CPNE9: variants seen among roughly 807,000 people sequenced by gnomAD.
CPNE9 encodes the protein copine-9.
A neutral mutation model predicts 83.0 loss-of-function variants in CPNE9; 59 were observed. That is an observed-to-expected ratio of 0.71 (90% CI 0.58 to 0.88). The LOEUF is 0.88. CPNE9 is among the 40% of genes least tolerant of loss of function. The pLI is 0.00. For synonymous variants in CPNE9, 256 were observed against 273.4 expected (o/e 0.94, Z 0.63); for missense variants, 619 against 720.8 (o/e 0.86, Z 1.62).
At chr3:9,705,019 C>T in intron 4 of CPNE9, 25 bp downstream of exon 4, 5 of 1,544,536 alleles carry the variant, frequency 3.2e-6, no homozygotes, top group Non-Finnish European at 4.4e-6. Flanking sequence ...GGAATTCTGG[C>T]TTGGCCCGCC....
chr3:9,705,836 C>T, intron 6 of CPNE9, 116 bp downstream of exon 6: 1 of 1,359,084 alleles, frequency 7.4e-7, no homozygotes, highest in Admixed American at 1.8e-5. Flanking sequence ...TTCTTTCACA[C>T]CCCCTCCATT....
At chr3:9,708,917 A>G (rs2076591719) in intron 7 of CPNE9, among the ~76,000 whole-genome samples, 1 of 147,764 alleles carries the variant, frequency 6.8e-6, no homozygotes, top group South Asian at 2.4e-4. Flanking sequence ...TACAGGCGTG[A>G]GCCACCGCAC....
At position 9,705,145 on chromosome 3, in the gene CPNE9, C is replaced by A. The variant is rs541189841; in HGVS notation, c.260+151C>A. The A allele has an allele frequency of 5.5e-4, 378 of 681,140 alleles. 4 individuals carry two copies. In the African/African-American group the frequency reaches 6.2e-3, roughly 11 times the overall value. The allele number at this position is 681,140 out of a possible 1,614,324, so 42.2% of individuals were successfully genotyped here. A position where few individuals can be genotyped will look rare whatever the true frequency, so the allele number is the denominator to read the frequency against. On this transcript the variant is annotated intron_variant, in intron 4 of 20. Coordinates refer to ENST00000383832, the MANE Select transcript of CPNE9 (RefSeq NM_153635.3). ...ATGGCCCCCTCTAGCCTGAGCCCTG[C>A]CCTTTTATGAGATGCGGTCCAGTTC... is the stretch of plus-strand genomic sequence containing the variant.
At chr3:9,715,263 G>C (rs1361918757) in intron 11 of CPNE9, 26 bp from the exon 12 acceptor site, 1 of 1,613,150 alleles carries the variant, frequency 6.2e-7, no homozygotes, top group East Asian at 2.2e-5. Context: ...AGCACCTGCT[G>C]CTTAGCCACG....
At position 9,704,655 on chromosome 3, in the gene CPNE9, A is replaced by G. The variant is rs756393532; in HGVS notation, c.109+28A>G. ...AGGCGGCTCCAGGACCGGGAGGGGGAACTTGGGGTCTGGGCGCGACTCAGG... is the reference window on the plus strand; with the variant it reads ...AGGCGGCTCCAGGACCGGGAGGGGGGACTTGGGGTCTGGGCGCGACTCAGG... On this transcript the variant is annotated intron_variant, in intron 2 of 20. Transcript: ENST00000383832. The surrounding 1 kb of genome is among the most constrained non-coding windows in gnomAD (Gnocchi z 7.1). 1.2e-6 allele frequency: 2 copies of G among 1,612,974 alleles called. No individual in the cohort carries two copies. Among genetic ancestry groups the G allele is most frequent in the Non-Finnish European group, 8.5e-7 (1 of 1,179,264 alleles).
intron 7 of CPNE9, among the ~76,000 whole-genome samples, chr3:9,708,371 C>T (rs1250494507): frequency 6.6e-6 from 1 of 152,082 alleles, no homozygotes; most frequent in Non-Finnish European, 1.5e-5. Flanking sequence ...CAAGGCTCCA[C>T]AAATTGGACC....
At position 9,718,465 on chromosome 3, in the gene CPNE9, T is replaced by C. The variant is rs1190719493; in HGVS notation, c.1114-10T>C. Reference sequence around the variant, plus strand: ...ATGGGCTCAGCCTGGCAGGGCATATTCTTTGACAGAACAACAATGATGAGG... The same window carrying C: ...ATGGGCTCAGCCTGGCAGGGCATATCCTTTGACAGAACAACAATGATGAGG... On this transcript the variant is annotated splice_polypyrimidine_tract_variant and intron_variant, in intron 16 of 20. Coordinates refer to ENST00000383832, the MANE Select transcript of CPNE9 (RefSeq NM_153635.3). 1 of 1,611,666 alleles carries C rather than the reference T, an allele frequency of 6.2e-7. No individual in the cohort carries two copies. The highest frequency in any genetic ancestry group is 8.5e-7 in the Non-Finnish European group (1 of 1,178,896).
At chr3:9,710,417 T>C (rs1005225230) in intron 7 of CPNE9, among the ~76,000 whole-genome samples, 1 of 152,150 alleles carries the variant, frequency 6.6e-6, no homozygotes, top group Admixed American at 6.5e-5. Flanking sequence ...TCTGGTTGCT[T>C]CAATTTTGTT....
At chr3:9,705,920 C>T in intron 6 of CPNE9, 67 bp from the exon 7 acceptor site, 1 of 1,540,096 alleles carries the variant, frequency 6.5e-7, no homozygotes, top group Non-Finnish European at 8.9e-7. Flanking sequence ...GCAGGAGCAT[C>T]ACTGGGGCTA....
chr3:9,726,158 G>A, intron 18 of CPNE9, 107 bp downstream of exon 18: 1 of 655,912 alleles, frequency 1.5e-6, no homozygotes, highest in Non-Finnish European at 2.6e-6. Context: ...CCAGTTTCAT[G>A]GATGCTGGCA....
chr3:9,722,167 C>A (rs6800487), intron 17 of CPNE9, among the ~76,000 whole-genome samples: 19 of 151,566 alleles, frequency 1.3e-4, no homozygotes, highest in South Asian at 6.3e-4. Flanking sequence ...TCCACCCCCC[C>A]CCGCCACCCG....
In CPNE9 at chr3:9,729,573, A is replaced by T. The variant is rs1316274765; in HGVS notation, c.1543A>T (p.Lys515Ter). 6.2e-7 allele frequency: 1 copy of T among 1,613,926 alleles called. No homozygotes were observed. The highest frequency in any genetic ancestry group is 8.5e-7 in the Non-Finnish European group (1 of 1,180,002). ...NQVLSMARLA[K>*]DVLAEIPEQL... is the part of the protein sequence containing the mutation. Reference sequence around the variant, plus strand: ...GGTGTTGAGCATGGCCCGACTGGCCAAGGATGTGCTGGCCGAGATCCCGGA... The same window carrying T: ...GGTGTTGAGCATGGCCCGACTGGCCTAGGATGTGCTGGCCGAGATCCCGGA... Residue 515 changes from lysine (K) to a stop codon, truncating the protein, a stop_gained, in exon 21 of 21, where the codon AAG (lysine) becomes TAG (stop). Coordinates refer to ENST00000383832, the MANE Select transcript of CPNE9 (RefSeq NM_153635.3). LOFTEE classifies it high-confidence loss of function.
intron 17 of CPNE9, among the ~76,000 whole-genome samples, chr3:9,719,679 G>T (rs1317208373): frequency 6.6e-6 from 1 of 152,100 alleles, no homozygotes; most frequent in African/African-American, 2.4e-5. Flanking sequence ...ATGAGTGACT[G>T]TCCAAATTTT....
Position 9,726,648 on chromosome 3 carries a change from C to T in CPNE9, c.1345-17C>T. ...GATGCCTGCTTGCCCCAACAGTTCA[C>T]CCTCTTTCCCCTACAGGCCTCCTCA... On this transcript the variant is annotated splice_polypyrimidine_tract_variant and intron_variant, in intron 18 of 20. Transcript: ENST00000383832. 6.2e-7 allele frequency: 1 copy of T among 1,609,980 alleles called. No homozygotes were observed. Among genetic ancestry groups the T allele is most frequent in the Non-Finnish European group, 8.5e-7 (1 of 1,176,382 alleles).
At chr3:9,717,227 C>G in intron 15 of CPNE9, 123 bp downstream of exon 15, 2 of 937,404 alleles carry the variant, frequency 2.1e-6, no homozygotes, top group East Asian at 2.5e-5. Flanking sequence ...CAAACTTAGG[C>G]AAAACCCAGC....
chr3:9,713,843 G>A (rs187096337), intron 10 of CPNE9, among the ~76,000 whole-genome samples: 39 of 152,042 alleles, frequency 2.6e-4, no homozygotes, highest in African/African-American at 8.9e-4. Flanking sequence ...AGGCCGAGAC[G>A]GGCAGATCAC....
chr3:9,712,889 A>C, intron 9 of CPNE9, 61 bp downstream of exon 9: 2 of 1,563,274 alleles, frequency 1.3e-6, no homozygotes, highest in Admixed American at 1.7e-5. Flanking sequence ...CAAGTGGGGG[A>C]ATCTCAGGAA....
Position 9,704,996 on chromosome 3 carries a change from T to C in CPNE9, c.260+2T>C, listed in dbSNP as rs2076546808. 6.2e-7 allele frequency: 1 copy of C among 1,603,550 alleles called. No homozygotes were observed. The highest frequency in any genetic ancestry group is 1.7e-5 in the Admixed American group (1 of 59,170). On this transcript the variant is annotated splice_donor_variant, in intron 4 of 20. Transcript: ENST00000383832. LOFTEE classifies it high-confidence loss of function. The surrounding 1 kb of genome is among the most constrained non-coding windows in gnomAD (Gnocchi z 7.1). Reference sequence around the variant, plus strand: ...AAAGCAAAATCTGCGCTTCGATGTGTGAGGCCCCGCCTGGAATTCTGGCTT... The same window carrying C: ...AAAGCAAAATCTGCGCTTCGATGTGCGAGGCCCCGCCTGGAATTCTGGCTT...
chr3:9,720,683 A>AT (rs760962505), intron 17 of CPNE9, among the ~76,000 whole-genome samples: 36 of 151,482 alleles, frequency 2.4e-4, no homozygotes, highest in Admixed American at 6.6e-4. Flanking sequence ...TTCACTACTG[A>AT]TTTTTTTTTC....
Sources: gnomAD v4.1 joint callset for allele counts (sites outside exome capture counted in the v4.1 genomes callset) on GRCh38, gnomAD v4.1.1 for gene constraint, Gnocchi (gnomAD v3.1) non-coding constraint, MANE v1.5 for transcripts, NCBI Gene and HGNC (gene_info 2026-07-23, HGNC 2026-07-21) for gene names.